The following WDR44 variants were observed in gnomAD, a reference collection of about 807,000 sequenced individuals.
The protein encoded by WDR44 is WD repeat-containing protein 44.
In WDR44, 9 loss-of-function variants were observed where a neutral mutation model predicts 65.7. The ratio of observed to expected loss-of-function variants is 0.14; its 90% confidence interval spans 0.08 to 0.24. WDR44 has a LOEUF of 0.24. WDR44 is among the 10% of genes least tolerant of loss of function. The pLI is 1.00. For synonymous variants in WDR44, 220 were observed against 235.2 expected (o/e 0.94, Z 0.59); for missense variants, 425 against 670.9 (o/e 0.63, Z 4.05).
chrX:118,396,322 G>T (rs2056865647), intron 6 of WDR44, among the ~76,000 whole-genome samples: 1 of 111,592 alleles, frequency 9.0e-6, no homozygotes, highest in Admixed American at 9.6e-5. Flanking sequence ...AATGAGAAAT[G>T]AAAACATATG....
chrX:118,351,976 C>T (rs965277606), intron 1 of WDR44, among the ~76,000 whole-genome samples: 15 of 108,822 alleles, frequency 1.4e-4, no homozygotes, highest in Non-Finnish European at 3.8e-5. Flanking sequence ...TATTTAGTGA[C>T]ATCTGACTGT....
At chrX:118,366,218 A>G (rs1286433060) in intron 1 of WDR44, among the ~76,000 whole-genome samples, 2 of 111,990 alleles carry the variant, frequency 1.8e-5, no homozygotes, top group Admixed American at 9.6e-5. Context: ...ATACTTATCC[A>G]TATATAAGTA....
chrX:118,405,994 A>G (rs2056963355), intron 9 of WDR44, among the ~76,000 whole-genome samples: 1 of 110,330 alleles, frequency 9.1e-6, no homozygotes, highest in African/African-American at 3.3e-5. Context: ...AATAAAAATT[A>G]GCTTTGTGTA....
In WDR44 at chrX:118,368,776, G is replaced by A. The variant is rs1184919134; in HGVS notation, c.78-9643G>A. ...TCTGTCACCCAGGCTGGAGTGCAGC[G>A]GTGGATCTCGGCTCACTGCAACCTC... On this transcript the variant is annotated intron_variant, in intron 1 of 19. Transcript: ENST00000254029. 1.7e-4 allele frequency among the ~76,000 whole-genome samples: 17 copies of A among 98,293 alleles called. 1 individual carries two copies. The highest frequency in any genetic ancestry group is 3.2e-4 in the East Asian group (1 of 3,108). 85.4% of individuals were successfully genotyped at this position (98,293 alleles called of 115,157 possible).
intron 1 of WDR44, among the ~76,000 whole-genome samples, chrX:118,352,808 T>C (rs1231088773): frequency 9.1e-6 from 1 of 110,344 alleles, no homozygotes; most frequent in African/African-American, 3.3e-5. Flanking sequence ...GTTGTGGTGA[T>C]GGAGGTGGAA....
intron 1 of WDR44, among the ~76,000 whole-genome samples, chrX:118,350,553 ATCTT>A (rs1276265421): frequency 1.8e-5 from 2 of 111,251 alleles, no homozygotes; most frequent in Non-Finnish European, 3.8e-5. Flanking sequence ...TTCTTGGTAA[ATCTT>A]TCGTGATTTT....
chrX:118,396,948 TG>T (rs771567033), intron 6 of WDR44, 21 bp from the exon 7 acceptor site: 14 of 1,146,778 alleles, frequency 1.2e-5, no homozygotes, highest in African/African-American at 5.6e-5. Flanking sequence ...TTGGTGTGAT[TG>T]TTTTTTTTTT....
chrX:118,396,917 A>G, intron 6 of WDR44, 53 bp from the exon 7 acceptor site: 1 of 1,118,027 alleles, frequency 8.9e-7, no homozygotes, highest in Non-Finnish European at 1.2e-6. Context: ...ACTCAAAAAG[A>G]TAATTAAATT....
intron 1 of WDR44, among the ~76,000 whole-genome samples, chrX:118,375,444 G>A (rs1241085010): frequency 4.6e-5 from 5 of 107,847 alleles, no homozygotes; most frequent in African/African-American, 1.7e-4. Context: ...CACTTTGGGA[G>A]GCTGAGGTGG....
At chrX:118,416,121 T>A (rs1328454587) in intron 12 of WDR44, among the ~76,000 whole-genome samples, 1 of 112,233 alleles carries the variant, frequency 8.9e-6, no homozygotes, top group African/African-American at 3.2e-5. Flanking sequence ...ATTTATCTTT[T>A]CAAAGAACCA....
At chrX:118,349,187 C>G (rs752736506) in intron 1 of WDR44, among the ~76,000 whole-genome samples, 1 of 110,477 alleles carries the variant, frequency 9.1e-6, no homozygotes, top group Non-Finnish European at 1.9e-5. Flanking sequence ...CAATATATGC[C>G]GTATTTATAA....
chrX:118,405,463 C>A (rs1052231447), intron 9 of WDR44, among the ~76,000 whole-genome samples: 1 of 110,673 alleles, frequency 9.0e-6, no homozygotes, highest in African/African-American at 3.3e-5. Context: ...CCTCAGCCTC[C>A]CAAGTAGCTG....
At chrX:118,411,632 T>G (rs1158062028) in intron 12 of WDR44, among the ~76,000 whole-genome samples, 1 of 112,027 alleles carries the variant, frequency 8.9e-6, no homozygotes, top group African/African-American at 3.2e-5. Flanking sequence ...TGTTCTCTTA[T>G]ACTCCCACTG....
chrX:118,395,293 G>T lies in WDR44; in HGVS notation c.1002G>T (p.Val334=), dbSNP rs766791109. The T allele has an allele frequency of 7.4e-6, 9 of 1,211,137 alleles. No individual in the cohort carries two copies. In the South Asian group the frequency reaches 1.4e-4, roughly 19 times the overall value. ...APDGQTVAGE[V]MGPQRPRSNS... is the part of the protein sequence containing the mutation. ...ATGGGCAGACTGTAGCAGGTGAAGTGATGGGCCCTCAGAGACCTAGATCCA... is the reference window on the plus strand; with the variant it reads ...ATGGGCAGACTGTAGCAGGTGAAGTTATGGGCCCTCAGAGACCTAGATCCA... Residue 334 remains valine, a synonymous_variant, in exon 6 of 20, where the codon GTG becomes GTT. Transcript: ENST00000254029.
chrX:118,426,714 AAAG>A lies in WDR44; in HGVS notation c.1738-6064_1738-6062del, dbSNP rs1282619678. Among the ~76,000 whole-genome samples, 10 of 111,456 alleles carry A rather than the reference AAAG, an allele frequency of 9.0e-5. No homozygotes were observed. The East Asian group carries it at 2.2e-3, about 25-fold the overall frequency. ...GAACAAGACCCTATCTCAAAAAAAA[AAAG>A]AAAGAAAAATATATGTATATAACAT... On this transcript the variant is annotated intron_variant, in intron 12 of 19. Coordinates refer to ENST00000254029, the MANE Select transcript of WDR44 (RefSeq NM_019045.5).
chrX:118,437,940 G>A (rs2057267302), intron 14 of WDR44, among the ~76,000 whole-genome samples: 1 of 110,748 alleles, frequency 9.0e-6, no homozygotes, highest in Admixed American at 9.7e-5. Flanking sequence ...GGAGGCTGAG[G>A]CAAGAGAATC....
intron 12 of WDR44, among the ~76,000 whole-genome samples, chrX:118,420,386 G>T (rs922029544): frequency 1.4e-4 from 16 of 110,409 alleles, no homozygotes; most frequent in African/African-American, 5.3e-4. Flanking sequence ...CCAAATAACT[G>T]GTATTACAGG....
At chrX:118,430,547 A>C (rs1272775112) in intron 12 of WDR44, among the ~76,000 whole-genome samples, 1 of 98,113 alleles carries the variant, frequency 1.0e-5, no homozygotes, top group African/African-American at 3.9e-5. Flanking sequence ...CTAAAAAAAA[A>C]AAAAAATTTA....
At position 118,398,399 on chromosome X, in the gene WDR44, A is replaced by G. The variant is rs764695148; in HGVS notation, c.1203A>G (p.Ala401=). Residue 401 remains alanine (A), a synonymous_variant, in exon 8 of 20, where the codon GCA becomes GCG. Coordinates refer to ENST00000254029, the MANE Select transcript of WDR44 (RefSeq NM_019045.5). ...RTKEYVSNDA[A]QSDDEEKLQS... is the part of the protein sequence containing the mutation. ...CCCCTTCTTACAGTAATGACGCGGC[A>G]CAGTCAGATGATGAAGAGAAGTTAC... 8.3e-7 allele frequency: 1 copy of G among 1,208,383 alleles called. No homozygotes were observed. The highest frequency in any genetic ancestry group is 1.8e-5 in the African/African-American group (1 of 57,100).
Sources: gnomAD v4.1 joint callset for allele counts (sites outside exome capture counted in the v4.1 genomes callset) on GRCh38, gnomAD v4.1.1 for gene constraint, MANE v1.5 for transcripts, NCBI Gene and HGNC (gene_info 2026-07-23, HGNC 2026-07-21) for gene names.